Variants in RBBP4 observed in about 807,000 individuals in gnomAD.
RBBP4 encodes the protein histone-binding protein RBBP4.
In RBBP4, 3 loss-of-function variants were observed where a neutral mutation model predicts 57.2. That is an observed-to-expected ratio of 0.05 (90% confidence interval 0.02 to 0.14). The LOEUF is 0.14. RBBP4 is among the 10% of genes least tolerant of loss of function. The pLI is 1.00. For missense variants in RBBP4, 107 were observed against 520.6 expected, an observed-to-expected ratio of 0.21 and a Z score of 7.73; for synonymous variants, 151 against 171.5, an observed-to-expected ratio of 0.88 and a Z score of 0.93.
intron 9 of RBBP4, 40 bp downstream of exon 9, chr1:32,672,566 C>T: frequency 1.3e-6 from 2 of 1,594,856 alleles, no homozygotes; most frequent in Non-Finnish European, 1.7e-6. Context: ...ATAATTATTT[C>T]CTTTATTTAC....
intron 2 of RBBP4, among the ~76,000 whole-genome samples, chr1:32,653,367 A>G (rs182451531): frequency 7.5e-4 from 114 of 152,334 alleles, no homozygotes; most frequent in African/African-American, 2.5e-3. Context: ...TCTGAATTAC[A>G]TTCAAAAGCG....
Position 32,672,337 on chromosome 1 carries a change from G to A in RBBP4, c.967-113G>A, listed in dbSNP as rs575569513. ...TTAACTGTAACGTGTATAATACCTT[G>A]ACTTCCTCTTCCCTTTTATTTACAA... On this transcript the variant is annotated intron_variant, in intron 8 of 11. Coordinates refer to ENST00000373493, the MANE Select transcript of RBBP4 (RefSeq NM_005610.3). The A allele has an allele frequency of 3.0e-3, 2,520 of 836,006 alleles. 7 individuals carry two copies. The highest frequency in any genetic ancestry group is 4.3e-3 in the Non-Finnish European group (2,327 of 537,736). The allele number at this position is 836,006 out of a possible 1,614,324, so 51.8% of individuals were successfully genotyped here.
At position 32,669,231 on chromosome 1, in the gene RBBP4, T is replaced by C; in HGVS notation, c.762T>C (p.Ile254=). 6.2e-7 allele frequency: 1 copy of C among 1,611,320 alleles called. No homozygotes were observed. Among genetic ancestry groups the C allele is most frequent in the Non-Finnish European group, 8.5e-7 (1 of 1,179,374 alleles). ...GSVADDQKLM[I]WDTRSNNTSK... ...TTCCTTTGTTTTTTTTTCACTGAAG[T>C]TGGGATACTCGTTCAAACAATACTT... The change falls in exon 7 of 12, where the codon ATT becomes ATC. Residue 254 remains isoleucine (I), a splice_region_variant and synonymous_variant. Transcript: ENST00000373493. The surrounding 1 kb of genome is among the most constrained non-coding windows in gnomAD (Gnocchi z 4.9).
intron 2 of RBBP4, among the ~76,000 whole-genome samples, chr1:32,656,851 T>C (rs1159353903): frequency 6.6e-6 from 1 of 152,230 alleles, no homozygotes; most frequent in Non-Finnish European, 1.5e-5. Context: ...ATGAAAGTTT[T>C]AGTAAGCAAA....
In RBBP4 at chr1:32,681,803, T is replaced by A; in HGVS notation, c.*2098T>A. 6.2e-7 allele frequency: 1 copy of A among 1,614,188 alleles called. No homozygotes were observed. The highest frequency in any genetic ancestry group is 8.5e-7 in the Non-Finnish European group (1 of 1,180,008). On this transcript the variant is annotated 3_prime_UTR_variant, in exon 12 of 12. Transcript: ENST00000373493. ...CAAAGGGTACTTAGTGATCCTTTGC[T>A]AAGAAGTTTTTTGCTGTTTCCGGGT...
In RBBP4 at chr1:32,683,944, CATTA is replaced by C. The variant is rs1272258713; in HGVS notation, c.*4244_*4247del. The C allele has an allele frequency of 1.3e-6, 2 of 1,523,718 alleles. No individual in the cohort carries two copies. The highest frequency in any genetic ancestry group is 1.8e-6 in the Non-Finnish European group (2 of 1,100,774). 94.4% of individuals were successfully genotyped at this position (1,523,718 alleles called of 1,614,324 possible). ...CACCCCGTCCGGCCTGTTTTTAAGG[CATTA>C]ATTAGTATTGTTAGGAAAGCAGTAA... is the stretch of plus-strand genomic sequence containing the variant. On this transcript the variant is annotated 3_prime_UTR_variant, in exon 12 of 12. Transcript: ENST00000373493.
Position 32,680,357 on chromosome 1 carries a change from G to GTTTTTTTT in RBBP4, c.*664_*671dup, listed in dbSNP as rs372285843. ...AATGGTGTTTTTTTTTTTGTTGTTG[G>GTTTTTTTT]TTTTTTTTTTTTTTTTTTTAACTTG... On this transcript the variant is annotated 3_prime_UTR_variant, in exon 12 of 12. Coordinates refer to ENST00000373493, the MANE Select transcript of RBBP4 (RefSeq NM_005610.3). 7 of 988,462 alleles carry GTTTTTTTT rather than the reference G, an allele frequency of 7.1e-6. No individual in the cohort carries two copies. The highest frequency in any genetic ancestry group is 4.4e-5 in the African/African-American group (2 of 45,932). The allele number at this position is 988,462 out of a possible 1,614,324, so 61.2% of individuals were successfully genotyped here.
At chr1:32,659,017 A>G (rs578071953) in intron 3 of RBBP4, among the ~76,000 whole-genome samples, 1 of 147,358 alleles carries the variant, frequency 6.8e-6, no homozygotes, top group South Asian at 2.1e-4. Flanking sequence ...AGTTATATAT[A>G]ATTTTAGATA....
At chr1:32,676,831 TC>T (rs1302723647) in intron 11 of RBBP4, among the ~76,000 whole-genome samples, 1 of 152,044 alleles carries the variant, frequency 6.6e-6, no homozygotes, top group African/African-American at 2.4e-5. Context: ...TAGTCCCAGT[TC>T]CTTGGGAGGC....
At chr1:32,659,118 T>C (rs905865273) in intron 3 of RBBP4, among the ~76,000 whole-genome samples, 3 of 147,550 alleles carry the variant, frequency 2.0e-5, no homozygotes, top group Non-Finnish European at 4.5e-5. Context: ...ATATATATAA[T>C]TTATATATAC....
Position 32,683,942 on chromosome 1 carries a change from G to C in RBBP4, c.*4237G>C. ...GCCACCCCGTCCGGCCTGTTTTTAA[G>C]GCATTAATTAGTATTGTTAGGAAAG... On this transcript the variant is annotated 3_prime_UTR_variant, in exon 12 of 12. Coordinates refer to ENST00000373493, the MANE Select transcript of RBBP4 (RefSeq NM_005610.3). 1.3e-6 allele frequency: 2 copies of C among 1,514,828 alleles called. No individual in the cohort carries two copies. The highest frequency in any genetic ancestry group is 2.3e-5 in the East Asian group (1 of 44,338). The allele number at this position is 1,514,828 out of a possible 1,614,324, so 93.8% of individuals were successfully genotyped here. A position where few individuals can be genotyped will look rare whatever the true frequency, so the allele number is the denominator to read the frequency against.
intron 2 of RBBP4, among the ~76,000 whole-genome samples, chr1:32,655,350 T>G (rs1648091552): frequency 6.6e-6 from 1 of 152,024 alleles, no homozygotes; most frequent in Non-Finnish European, 1.5e-5. Flanking sequence ...TTGTGTGTGT[T>G]CTTTTTCTGG....
Position 32,657,412 on chromosome 1 carries a change from A to G in RBBP4, c.165-15A>G, listed in dbSNP as rs376691231. 2.0e-5 allele frequency: 32 copies of G among 1,609,282 alleles called. No homozygotes were observed. In the African/African-American group the frequency reaches 2.5e-4, roughly 13 times the overall value. On this transcript the variant is annotated splice_polypyrimidine_tract_variant and intron_variant, in intron 2 of 11. Coordinates refer to ENST00000373493, the MANE Select transcript of RBBP4 (RefSeq NM_005610.3). ...TGTTACTAATTTGAACAGTGACTAT[A>G]TATTGCCGTTACAGACCAGAAGGGA...
chr1:32,668,196 G>T, intron 3 of RBBP4, 29 bp from the exon 4 acceptor site: 2 of 1,592,826 alleles, frequency 1.3e-6, no homozygotes, highest in Non-Finnish European at 1.7e-6. Flanking sequence ...CTCTTGTTTT[G>T]TCCTCATTTG....
intron 3 of RBBP4, among the ~76,000 whole-genome samples, chr1:32,660,709 A>G (rs1043409852): frequency 4.0e-5 from 6 of 151,480 alleles, no homozygotes; most frequent in Admixed American, 2.0e-4. Context: ...GTGTTCATCT[A>G]TTGTTGTCTT....
chr1:32,684,154 A>C lies in RBBP4; in HGVS notation c.*4449A>C. On this transcript the variant is annotated 3_prime_UTR_variant, in exon 12 of 12. Coordinates refer to ENST00000373493, the MANE Select transcript of RBBP4 (RefSeq NM_005610.3). ...AAGCACAATTTGAAAATCATTTCCC[A>C]AATCCTCTTTTTGTTTTTGATTCTA... is the stretch of plus-strand genomic sequence containing the variant. 6.2e-7 allele frequency: 1 copy of C among 1,606,540 alleles called. No homozygotes were observed. Among genetic ancestry groups the C allele is most frequent in the Non-Finnish European group, 8.5e-7 (1 of 1,175,802 alleles).
chr1:32,657,546 C>A lies in RBBP4; in HGVS notation c.284C>A (p.Ala95Glu). The change falls in exon 3 of 12, where the codon GCG (alanine) becomes GAG (glutamate). Residue 95 changes from alanine (A) to glutamate (E), a missense_variant. Ala to Glu is a moderately radical substitution (Grantham distance 107). Coordinates refer to ENST00000373493, the MANE Select transcript of RBBP4 (RefSeq NM_005610.3). Reference protein sequence around the residue: ...QLPNDDAQFDASHYDSEKGEF... With the variant: ...QLPNDDAQFDESHYDSEKGEF... ...CCTAATGATGATGCTCAGTTTGATG[C>A]GTCACACTACGACAGTGAGAAAGGA... 6.2e-7 allele frequency: 1 copy of A among 1,613,900 alleles called. No homozygotes were observed. Among genetic ancestry groups the A allele is most frequent in the Non-Finnish European group, 8.5e-7 (1 of 1,179,918 alleles).
intron 1 of RBBP4, 116 bp downstream of exon 1, chr1:32,651,438 G>A (rs983852696): frequency 2.2e-6 from 3 of 1,369,094 alleles, no homozygotes; most frequent in Non-Finnish European, 2.8e-6. Flanking sequence ...CCCCGGTACT[G>A]AAGGCGTGAA....
rs866488953 is a variant in RBBP4 at position 32,676,421 on chromosome 1, A to G, written c.1213-3219A>G. 5.9e-5 allele frequency among the ~76,000 whole-genome samples: 9 copies of G among 152,008 alleles called. 1 individual carries two copies. The highest frequency in any genetic ancestry group is 1.2e-4 in the Non-Finnish European group (8 of 68,000). Reference sequence around the variant, plus strand: ...GTAGTTTGAGACCAGCCTGGTCAACATAGTGAAACCCCATCTCTACTAAAA... The same window carrying G: ...GTAGTTTGAGACCAGCCTGGTCAACGTAGTGAAACCCCATCTCTACTAAAA... On this transcript the variant is annotated intron_variant, in intron 11 of 11. Coordinates refer to ENST00000373493, the MANE Select transcript of RBBP4 (RefSeq NM_005610.3).
Sources: gnomAD v4.1 joint callset for allele counts (sites outside exome capture counted in the v4.1 genomes callset) on GRCh38, gnomAD v4.1.1 for gene constraint, Gnocchi (gnomAD v3.1) non-coding constraint, MANE v1.5 for transcripts, NCBI Gene and HGNC (gene_info 2026-07-23, HGNC 2026-07-21) for gene names.